Variants in SEMA3E observed in about 807,000 individuals in gnomAD.
SEMA3E encodes semaphorin 3E.
A neutral mutation model predicts 93.6 loss-of-function variants in SEMA3E; 49 were observed. That is an observed-to-expected ratio of 0.52 (90% CI 0.42 to 0.66). SEMA3E has a LOEUF of 0.66. SEMA3E is among the 30% of genes least tolerant of loss of function. The pLI is 0.00. For synonymous variants in SEMA3E, 363 were observed against 330.7 expected, an observed-to-expected ratio of 1.10 and a Z score of -1.06; for missense variants, 906 against 964.8, an observed-to-expected ratio of 0.94 and a Z score of 0.81.
intron 4 of SEMA3E, among the ~76,000 whole-genome samples, chr7:83,434,709 C>CTTTTTTTTTTT (rs76539180): frequency 2.5e-5 from 3 of 120,170 alleles, no homozygotes; most frequent in African/African-American, 6.0e-5. Context: ...AACTGTATTT[C>CTTTTTTTTTTT]TTTTTTTTTT....
chr7:83,469,391 A>T (rs1789843222), intron 2 of SEMA3E, 89 bp from the exon 3 acceptor site: 3 of 757,996 alleles, frequency 4.0e-6, no homozygotes, highest in South Asian at 3.4e-5. Flanking sequence ...ACAGTTCAAA[A>T]CATTTCCTTT....
At chr7:83,550,956 TATAAC>T (rs1198082084) in intron 1 of SEMA3E, among the ~76,000 whole-genome samples, 2 of 152,112 alleles carry the variant, frequency 1.3e-5, no homozygotes, top group African/African-American at 4.8e-5. Flanking sequence ...GTAATAAAAG[TATAAC>T]ATAATTAAAA....
intron 10 of SEMA3E, 51 bp downstream of exon 10, chr7:83,402,581 A>G: frequency 6.5e-7 from 1 of 1,531,660 alleles, no homozygotes; most frequent in Non-Finnish European, 9.0e-7. Context: ...ACAAAATATT[A>G]CCAAAAGTAT....
At chr7:83,590,010 T>A (rs922330469) in intron 1 of SEMA3E, among the ~76,000 whole-genome samples, 8 of 152,316 alleles carry the variant, frequency 5.3e-5, no homozygotes, top group Non-Finnish European at 2.9e-5. Context: ...TCTGAAATTA[T>A]ATGCTTTGTT....
chr7:83,498,787 G>T (rs2115590622), intron 1 of SEMA3E, among the ~76,000 whole-genome samples: 1 of 152,140 alleles, frequency 6.6e-6, no homozygotes, highest in Admixed American at 6.5e-5. Context: ...CCTTTTATAA[G>T]AGAATAAATT....
chr7:83,370,209 A>G (rs1299853205), intron 16 of SEMA3E, among the ~76,000 whole-genome samples: 2 of 152,112 alleles, frequency 1.3e-5, no homozygotes, highest in Non-Finnish European at 2.9e-5. Flanking sequence ...GTTTTCTGTT[A>G]GTTAAAAACC....
chr7:83,506,010 G>A (rs1420903401), intron 1 of SEMA3E, among the ~76,000 whole-genome samples: 9 of 74,814 alleles, frequency 1.2e-4, no homozygotes, highest in Non-Finnish European at 1.7e-4. Flanking sequence ...GCTAGACTCC[G>A]TCTCCAAAAA....
At chr7:83,427,205 TTTC>T (rs1451213759) in intron 4 of SEMA3E, among the ~76,000 whole-genome samples, 12 of 151,948 alleles carry the variant, frequency 7.9e-5, no homozygotes, top group Middle Eastern at 3.2e-3. Flanking sequence ...TCCTTCTTTT[TTTC>T]TTTTTTCTTT....
At chr7:83,477,059 T>A (rs1318906072) in intron 2 of SEMA3E, among the ~76,000 whole-genome samples, 1 of 152,160 alleles carries the variant, frequency 6.6e-6, no homozygotes, top group Non-Finnish European at 1.5e-5. Context: ...ATACCAGGAT[T>A]AAGGATCTAA....
At chr7:83,439,501 G>C (rs1327972526) in intron 4 of SEMA3E, among the ~76,000 whole-genome samples, 2 of 152,204 alleles carry the variant, frequency 1.3e-5, no homozygotes, top group Admixed American at 6.5e-5. Context: ...TTCTCAGGGA[G>C]AGGAGAAAAT....
At chr7:83,620,311 G>A (rs1331396497) in intron 1 of SEMA3E, among the ~76,000 whole-genome samples, 4 of 151,760 alleles carry the variant, frequency 2.6e-5, no homozygotes, top group Non-Finnish European at 4.4e-5. Flanking sequence ...CTAATATTGA[G>A]AATAAAAATC....
intron 1 of SEMA3E, among the ~76,000 whole-genome samples, chr7:83,498,842 G>A (rs1480475109): frequency 6.6e-6 from 1 of 152,136 alleles, no homozygotes; most frequent in Non-Finnish European, 1.5e-5. Context: ...GAGTGATAAA[G>A]ATAAACTTCC....
chr7:83,415,870 C>T (rs560325022), intron 5 of SEMA3E, among the ~76,000 whole-genome samples: 17 of 152,138 alleles, frequency 1.1e-4, no homozygotes, highest in Admixed American at 2.6e-4. Flanking sequence ...AATAATCTAA[C>T]GATAGTCATC....
In SEMA3E at chr7:83,577,458, T is replaced by C. The variant is rs189942008; in HGVS notation, c.115+70970A>G. Among the ~76,000 whole-genome samples, 5 of 152,322 alleles carry C rather than the reference T, an allele frequency of 3.3e-5. No homozygotes were observed. The East Asian group carries it at 9.6e-4, about 29-fold the overall frequency. ...ATAATGTAATCTCCAAGGCAAGTTC[T>C]AGTGGTCATAAAAGTCACAAAAGTC... On this transcript the variant is annotated intron_variant, in intron 1 of 16. Transcript: ENST00000643230.
intron 4 of SEMA3E, among the ~76,000 whole-genome samples, chr7:83,457,193 G>A (rs1789502892): frequency 6.6e-6 from 1 of 151,936 alleles, no homozygotes; most frequent in Non-Finnish European, 1.5e-5. Flanking sequence ...GTGAGAGTGA[G>A]AAAAGAAAAG....
intron 16 of SEMA3E, among the ~76,000 whole-genome samples, chr7:83,383,898 A>G (rs970760512): frequency 2.0e-5 from 3 of 151,980 alleles, no homozygotes; most frequent in Admixed American, 6.6e-5. Flanking sequence ...TTTTCTGCCA[A>G]GGGAATTACA....
chr7:83,568,137 G>A (rs543052875), intron 1 of SEMA3E, among the ~76,000 whole-genome samples: 2 of 152,188 alleles, frequency 1.3e-5, no homozygotes, highest in African/African-American at 4.8e-5. Flanking sequence ...AGAAGAAATA[G>A]ATAAATTCCT....
chr7:83,543,796 T>G (rs3801534), intron 1 of SEMA3E, among the ~76,000 whole-genome samples: 33,542 of 151,960 alleles, frequency 0.22, 3,895 homozygotes, highest in East Asian at 0.39. Flanking sequence ...GTTGACTTCA[T>G]AATTGAGAAC....
At chr7:83,490,052 A>G in intron 2 of SEMA3E, 62 bp downstream of exon 2, 1 of 1,523,980 alleles carries the variant, frequency 6.6e-7, no homozygotes, top group Non-Finnish European at 9.1e-7. Context: ...AAAGACAAGT[A>G]ACATTCTTGA....
Sources: gnomAD v4.1 joint callset for allele counts (sites outside exome capture counted in the v4.1 genomes callset) on GRCh38, gnomAD v4.1.1 for gene constraint, MANE v1.5 for transcripts, NCBI Gene and HGNC (gene_info 2026-07-23, HGNC 2026-07-21) for gene names.